The following MID1 variants were observed in gnomAD, a reference collection of about 807,000 sequenced individuals.
The protein encoded by MID1 is midline 1.
A neutral mutation model predicts 40.4 loss-of-function variants in MID1; 7 were observed. That is an observed-to-expected ratio of 0.17 (90% confidence interval 0.10 to 0.33). MID1 has a LOEUF of 0.33. MID1 is among the 10% of genes least tolerant of loss of function. MID1 has a pLI of 1.00. For synonymous variants in MID1, 229 were observed against 221.2 expected (o/e 1.04, Z -0.31); for missense variants, 367 against 558.5 (o/e 0.66, Z 3.46).
At chrX:10,464,010 A>T (rs1929197820) in intron 7 of MID1, among the ~76,000 whole-genome samples, 1 of 112,170 alleles carries the variant, frequency 8.9e-6, no homozygotes, top group Admixed American at 9.4e-5. Context: ...GGAGGAACAC[A>T]TCCTGATACA....
At chrX:10,832,954 T>C (rs763028101) in intron 1 of MID1, among the ~76,000 whole-genome samples, 11 of 112,683 alleles carry the variant, frequency 9.8e-5, no homozygotes, top group Non-Finnish European at 2.1e-4. Flanking sequence ...TATATATAAA[T>C]AGACATACGC....
At chrX:10,513,708 C>T (rs1191215161) in intron 3 of MID1, among the ~76,000 whole-genome samples, 1 of 111,437 alleles carries the variant, frequency 9.0e-6, no homozygotes, top group East Asian at 2.8e-4. Context: ...GGGGTTTTAC[C>T]ATGTTGGCCG....
chrX:10,659,015 G>C (rs2042894367), intron 1 of MID1, among the ~76,000 whole-genome samples: 1 of 111,790 alleles, frequency 8.9e-6, no homozygotes, highest in Non-Finnish European at 1.9e-5. Flanking sequence ...TCATCACTCA[G>C]TATCTACTCA....
At chrX:10,520,967 C>G (rs981091045) in intron 3 of MID1, among the ~76,000 whole-genome samples, 1 of 110,867 alleles carries the variant, frequency 9.0e-6, no homozygotes, top group African/African-American at 3.3e-5. Flanking sequence ...TTAATTGGTT[C>G]ACGGGTGCTG....
At chrX:10,470,118 G>C (rs1929618478) in intron 6 of MID1, among the ~76,000 whole-genome samples, 1 of 112,245 alleles carries the variant, frequency 8.9e-6, no homozygotes, top group Non-Finnish European at 1.9e-5. Flanking sequence ...ACTTTCTTGT[G>C]CATGAAGGAA....
Position 10,585,045 on chromosome X carries a change from T to C in MID1, c.-56-17442A>G, listed in dbSNP as rs142146546. On this transcript the variant is annotated intron_variant, in intron 1 of 9. Transcript: ENST00000317552. ...GTGGTTAGAGTGAAACAGAACAGAC[T>C]GGGAAGTTTTACAATGTCTTCCTAT... Among the ~76,000 whole-genome samples the C allele has an allele frequency of 4.2e-3, 465 of 110,805 alleles. 2 individuals are homozygous for C. Among genetic ancestry groups the C allele is most frequent in the East Asian group, 0.037 (129 of 3,496 alleles).
At chrX:10,720,318 C>T (rs2043341443) in intron 1 of MID1, among the ~76,000 whole-genome samples, 2 of 111,618 alleles carry the variant, frequency 1.8e-5, no homozygotes, top group Admixed American at 1.9e-4. Context: ...GGGCTAATAT[C>T]CAGAATCTAC....
chrX:10,465,384 T>C (rs1929332089), intron 7 of MID1, among the ~76,000 whole-genome samples: 1 of 108,196 alleles, frequency 9.2e-6, no homozygotes, highest in Admixed American at 1.0e-4. Flanking sequence ...AACTGTGTAA[T>C]ATTATCTCCT....
chrX:10,489,415 T>C (rs981832824), intron 4 of MID1, among the ~76,000 whole-genome samples: 12 of 112,438 alleles, frequency 1.1e-4, no homozygotes, highest in Admixed American at 2.8e-4. Context: ...GTATATAATG[T>C]GAAGTATGGA....
chrX:10,477,957 T>G (rs1390431527), intron 5 of MID1, among the ~76,000 whole-genome samples: 1 of 112,543 alleles, frequency 8.9e-6, no homozygotes, highest in African/African-American at 3.2e-5. Context: ...AAGCAACATC[T>G]TTTCAGAATT....
At chrX:10,669,046 C>T (rs1013769154) in intron 1 of MID1, among the ~76,000 whole-genome samples, 2 of 105,744 alleles carry the variant, frequency 1.9e-5, no homozygotes, top group Non-Finnish European at 3.9e-5. Context: ...GGTGAAACCC[C>T]GTCTCTACTA....
intron 1 of MID1, among the ~76,000 whole-genome samples, chrX:10,777,526 CTCTTTTCTTT>C (rs747553471): frequency 1.4e-4 from 15 of 108,390 alleles, no homozygotes; most frequent in Non-Finnish European, 1.9e-4. Context: ...ATTATATAAG[CTCTTTTCTTT>C]TCTTTTCTTT....
chrX:10,761,630 T>C (rs1335027125), intron 1 of MID1, among the ~76,000 whole-genome samples: 2 of 112,197 alleles, frequency 1.8e-5, no homozygotes. Context: ...GCTATTGCCA[T>C]AAGAAGGACA....
chrX:10,461,138 T>TACACACACACACACAC (rs200040870), intron 7 of MID1, among the ~76,000 whole-genome samples: 117 of 96,780 alleles, frequency 1.2e-3, no homozygotes, highest in African/African-American at 4.3e-3. Flanking sequence ...TATCTAAAGA[T>TACACACACACACACAC]ACACACACAC....
At chrX:10,816,332 T>C (rs914218693) in intron 1 of MID1, among the ~76,000 whole-genome samples, 3 of 112,189 alleles carry the variant, frequency 2.7e-5, no homozygotes, top group Non-Finnish European at 5.6e-5. Context: ...GCATTCACTG[T>C]TTGTTTCTAA....
chrX:10,827,523 A>C (rs1238053918), intron 1 of MID1, among the ~76,000 whole-genome samples: 2 of 96,114 alleles, frequency 2.1e-5, no homozygotes, highest in Non-Finnish European at 4.0e-5. Context: ...CTCAAGGCTC[A>C]GGTGGTACTG....
intron 1 of MID1, among the ~76,000 whole-genome samples, chrX:10,713,301 G>A (rs781062729): frequency 5.5e-5 from 6 of 109,145 alleles, no homozygotes; most frequent in African/African-American, 2.0e-4. Flanking sequence ...AGATAGAGAG[G>A]GACACAGAGA....
chrX:10,831,373 T>C (rs1299242690), intron 1 of MID1, among the ~76,000 whole-genome samples: 2 of 111,727 alleles, frequency 1.8e-5, no homozygotes, highest in African/African-American at 6.5e-5. Context: ...CTATTTCCCA[T>C]TGTTTGTTTG....
intron 2 of MID1, among the ~76,000 whole-genome samples, chrX:10,561,698 C>T (rs1384680129): frequency 2.8e-5 from 3 of 106,771 alleles, no homozygotes; most frequent in Non-Finnish European, 3.8e-5. Context: ...GTTAGAATGG[C>T]GATTATTAAA....
Sources: gnomAD v4.1 joint callset for allele counts (sites outside exome capture counted in the v4.1 genomes callset) on GRCh38, gnomAD v4.1.1 for gene constraint, MANE v1.5 for transcripts, NCBI Gene and HGNC (gene_info 2026-07-23, HGNC 2026-07-21) for gene names.